SCG3: variants seen among roughly 807,000 people sequenced by gnomAD.
SCG3 encodes secretogranin III, also known as secretogranin-3.
Under a neutral mutation model 56.2 loss-of-function variants are expected in SCG3, and 38 were observed. The observed-to-expected ratio is 0.68, with a 90% CI of 0.52 to 0.89. The LOEUF (loss-of-function observed/expected upper bound fraction) is 0.89. Among genes scored for constraint, SCG3 ranks in the 40% least tolerant of loss-of-function variants. SCG3 has a pLI of 0.00. For synonymous variants in SCG3, 176 were observed against 184.2 expected, an observed-to-expected ratio of 0.96 and a Z score of 0.36; for missense variants, 524 against 540.7, an observed-to-expected ratio of 0.97 and a Z score of 0.31.
At position 51,689,241 on chromosome 15, in the gene SCG3, C is replaced by T. The variant is rs1252985943; in HGVS notation, c.563C>T (p.Thr188Ile). ...LGLITESQAH[T>I]LEDEVAEVLQ... ...TAGATCACAGAAAGCCAAGCACATACACTGGAAGATGAAGTAGCAGAGGTT... is the reference window on the plus strand; with the variant it reads ...TAGATCACAGAAAGCCAAGCACATATACTGGAAGATGAAGTAGCAGAGGTT... Residue 188 changes from threonine to isoleucine, a missense_variant, in exon 6 of 12, where the codon ACA (threonine) becomes ATA (isoleucine). Coordinates refer to ENST00000220478, the MANE Select transcript of SCG3 (RefSeq NM_013243.4). 2 of 1,613,766 alleles carry T rather than the reference C, an allele frequency of 1.2e-6. No homozygotes were observed. Among genetic ancestry groups the T allele is most frequent in the African/African-American group, 1.3e-5 (1 of 74,878 alleles).
At position 51,720,038 on chromosome 15, in the gene SCG3, T is replaced by C. The variant is rs2055486363; in HGVS notation, c.*512T>C. The C allele has an allele frequency of 6.6e-6, 1 of 152,480 alleles. No individual in the cohort carries two copies. The highest frequency in any genetic ancestry group is 1.5e-5 in the Non-Finnish European group (1 of 68,234). The allele number at this position is 152,480 out of a possible 1,614,324, so 9.4% of individuals were successfully genotyped here. On this transcript the variant is annotated 3_prime_UTR_variant, in exon 12 of 12. Coordinates refer to ENST00000220478, the MANE Select transcript of SCG3 (RefSeq NM_013243.4). ...AGGAGCCATCTGCTTTTTTGGCTGC[T>C]CTTTTTAGCTGGCTTTTTATTAGGC...
Position 51,683,343 on chromosome 15 carries a change from G to T in SCG3, c.306G>T (p.Lys102Asn). ...QSIRSSPLDN[K>N]LNVEDVDSTK... is the part of the protein sequence containing the mutation. Reference sequence around the variant, plus strand: ...TAAGAAGCTCCCCACTTGATAATAAGTTGAATGTGGAAGATGTTGATTCAA... The same window carrying T: ...TAAGAAGCTCCCCACTTGATAATAATTTGAATGTGGAAGATGTTGATTCAA... Residue 102 changes from lysine (K) to asparagine (N), a missense_variant, in exon 4 of 12, where the codon AAG becomes AAT. By Grantham distance (94) the Lys-to-Asn change is moderately conservative (BLOSUM62 0). Transcript: ENST00000220478. 1 of 1,613,566 alleles carries T rather than the reference G, an allele frequency of 6.2e-7. No homozygotes were observed. The highest frequency in any genetic ancestry group is 8.5e-7 in the Non-Finnish European group (1 of 1,179,582).
intron 7 of SCG3, among the ~76,000 whole-genome samples, chr15:51,695,209 C>T (rs1204807014): frequency 6.6e-6 from 1 of 152,114 alleles, no homozygotes; most frequent in Non-Finnish European, 1.5e-5. Context: ...AAAGTAACAT[C>T]TTGTTCAAAA....
chr15:51,719,427 G>A lies in SCG3; in HGVS notation c.1308G>A (p.Met436Ile). 1 of 1,613,456 alleles carries A rather than the reference G, an allele frequency of 6.2e-7. No individual in the cohort carries two copies. The highest frequency in any genetic ancestry group is 8.5e-7 in the Non-Finnish European group (1 of 1,179,536). Reference sequence around the variant, plus strand: ...TTCCAGATTATGACCTTTCAAAGATGAGAGACTTCATCAATAAACAAGCTG... The same window carrying A: ...TTCCAGATTATGACCTTTCAAAGATAAGAGACTTCATCAATAAACAAGCTG... ...GNKEDYDLSKMRDFINKQADA... is the reference protein window; with the variant it reads ...GNKEDYDLSKIRDFINKQADA... Residue 436 changes from methionine to isoleucine, a missense_variant, in exon 12 of 12, where the codon ATG becomes ATA. Transcript: ENST00000220478.
chr15:51,697,861 A>G (rs1531157), intron 8 of SCG3, among the ~76,000 whole-genome samples: 2 of 152,046 alleles, frequency 1.3e-5, no homozygotes, highest in African/African-American at 2.4e-5. Context: ...CTAGAGTTTG[A>G]GTTATGTCTT....
At position 51,696,081 on chromosome 15, in the gene SCG3, A is replaced by G. The variant is rs560561230; in HGVS notation, c.985+90A>G. On this transcript the variant is annotated intron_variant, in intron 8 of 11. Transcript: ENST00000220478. Reference sequence around the variant, plus strand: ...TGGCAATAATGACCTCATTAATTTGATAATTTATGCCAAAGCTTTCCAAAT... The same window carrying G: ...TGGCAATAATGACCTCATTAATTTGGTAATTTATGCCAAAGCTTTCCAAAT... 6.8e-5 allele frequency: 52 copies of G among 764,152 alleles called. 1 individual carries two copies. In the South Asian group the frequency reaches 7.8e-4, roughly 11 times the overall value. 47.3% of individuals were successfully genotyped at this position (764,152 alleles called of 1,614,324 possible).
chr15:51,697,410 G>A (rs1441684128), intron 8 of SCG3, among the ~76,000 whole-genome samples: 2 of 152,204 alleles, frequency 1.3e-5, no homozygotes, highest in South Asian at 2.1e-4. Context: ...TAGCAGTGCT[G>A]CGCAATATGG....
At chr15:51,719,039 G>A (rs2055478205) in intron 11 of SCG3, among the ~76,000 whole-genome samples, 2 of 152,068 alleles carry the variant, frequency 1.3e-5, no homozygotes, top group Admixed American at 1.3e-4. Context: ...TGCATAACCT[G>A]GATCCTCACC....
chr15:51,687,613 T>G (rs1320909965), intron 4 of SCG3, among the ~76,000 whole-genome samples: 1 of 152,238 alleles, frequency 6.6e-6, no homozygotes, highest in Non-Finnish European at 1.5e-5. Context: ...AAGTTTAAAT[T>G]CCGGGCACAT....
chr15:51,694,715 A>G (rs926422131), intron 7 of SCG3, among the ~76,000 whole-genome samples: 1 of 152,188 alleles, frequency 6.6e-6, no homozygotes, highest in Non-Finnish European at 1.5e-5. Flanking sequence ...ATCAAGATGC[A>G]GAACAGAATG....
chr15:51,682,994 T>C, intron 2 of SCG3, 85 bp from the exon 3 acceptor site: 1 of 1,028,724 alleles, frequency 9.7e-7, no homozygotes, highest in Admixed American at 2.3e-5. Flanking sequence ...TTAAATCCCA[T>C]GGAGATTAAA....
rs1479049913 is a variant in SCG3 at position 51,682,585 on chromosome 15, C to T, written c.135+16C>T. On this transcript the variant is annotated intron_variant, in intron 2 of 11. Coordinates refer to ENST00000220478, the MANE Select transcript of SCG3 (RefSeq NM_013243.4). ...GAATGAACAGGTAGGTCAAAAGTAACATTATGAATGCTATTTCATTTTGAT... is the reference window on the plus strand; with the variant it reads ...GAATGAACAGGTAGGTCAAAAGTAATATTATGAATGCTATTTCATTTTGAT... The T allele has an allele frequency of 7.7e-7, 1 of 1,296,534 alleles. No homozygotes were observed. The highest frequency in any genetic ancestry group is 1.1e-6 in the Non-Finnish European group (1 of 945,200). 80.3% of individuals were successfully genotyped at this position (1,296,534 alleles called of 1,614,324 possible). A position where few individuals can be genotyped will look rare whatever the true frequency, so the allele number is the denominator to read the frequency against.
intron 6 of SCG3, among the ~76,000 whole-genome samples, chr15:51,690,367 G>A (rs2141562514): frequency 6.6e-6 from 1 of 152,194 alleles, no homozygotes; most frequent in Middle Eastern, 3.4e-3. Context: ...ACCATAAGGG[G>A]ATATCAAATT....
Position 51,687,086 on chromosome 15 carries a change from C to T in SCG3, c.398-1174C>T, listed in dbSNP as rs2055234053. ...CAGAATCTGGCCGGAGATTCAATTT[C>T]CATTTTCTCTAGGAGATAATTGCTG... On this transcript the variant is annotated intron_variant, in intron 4 of 11. Coordinates refer to ENST00000220478, the MANE Select transcript of SCG3 (RefSeq NM_013243.4). Among the ~76,000 whole-genome samples the T allele has an allele frequency of 2.0e-5, 3 of 152,198 alleles. No homozygotes were observed. In the South Asian group the frequency reaches 6.2e-4, roughly 31 times the overall value.
intron 11 of SCG3, among the ~76,000 whole-genome samples, chr15:51,713,875 A>G (rs1274531802): frequency 2.0e-5 from 3 of 152,178 alleles, no homozygotes; most frequent in Non-Finnish European, 4.4e-5. Flanking sequence ...AGTGCCAGAG[A>G]TGTCCCGCCC....
chr15:51,713,228 G>A, intron 10 of SCG3, 105 bp from the exon 11 acceptor site: 1 of 734,932 alleles, frequency 1.4e-6, no homozygotes. Flanking sequence ...CCTTGCAAAT[G>A]CTGCATAAGT....
chr15:51,691,342 A>ACATGATC (rs2055265899), intron 6 of SCG3, among the ~76,000 whole-genome samples: 3 of 152,258 alleles, frequency 2.0e-5, no homozygotes, highest in African/African-American at 4.8e-5. Flanking sequence ...GAAGAATTTT[A>ACATGATC]AGCAAAGGAG....
intron 5 of SCG3, among the ~76,000 whole-genome samples, chr15:51,688,631 A>G (rs1185834427): frequency 6.6e-6 from 1 of 152,100 alleles, no homozygotes; most frequent in African/African-American, 2.4e-5. Flanking sequence ...CTGCTTAAAA[A>G]CCATAAGAGC....
chr15:51,701,678 G>A (rs1291213221), intron 10 of SCG3, among the ~76,000 whole-genome samples: 2 of 152,202 alleles, frequency 1.3e-5, no homozygotes, highest in Non-Finnish European at 2.9e-5. Flanking sequence ...AGTCCCAGCA[G>A]TTTGGATTGC....
Sources: gnomAD v4.1 joint callset for allele counts (sites outside exome capture counted in the v4.1 genomes callset) on GRCh38, gnomAD v4.1.1 for gene constraint, MANE v1.5 for transcripts, NCBI Gene and HGNC (gene_info 2026-07-23, HGNC 2026-07-21) for gene names.